Variants in IRAK1BP1 observed in about 807,000 individuals in gnomAD.
IRAK1BP1 encodes interleukin 1 receptor associated kinase 1 binding protein 1, also known as interleukin-1 receptor-associated kinase 1-binding protein 1.
In IRAK1BP1, 24 loss-of-function variants were observed where a neutral mutation model predicts 28.0. The observed-to-expected ratio is 0.86, with a 90% CI of 0.62 to 1.20. IRAK1BP1 has a LOEUF of 1.20. IRAK1BP1 is among the 50% of genes most tolerant of loss of function. The pLI is 0.00. For synonymous variants in IRAK1BP1, 131 were observed against 116.3 expected, an observed-to-expected ratio of 1.13 and a Z score of -0.81; for missense variants, 336 against 316.7, an observed-to-expected ratio of 1.06 and a Z score of -0.46.
intron 4 of IRAK1BP1, chr6:78,935,581 A>G (rs1773247464): frequency 1.0e-6 from 1 of 973,260 alleles, no homozygotes; most frequent in Non-Finnish European, 1.2e-6. Context: ...TAAGAAATCA[A>G]TAAAATTGTT....
chr6:78,898,425 TATA>T lies in IRAK1BP1; in HGVS notation c.*92_*94del. On this transcript the variant is annotated 3_prime_UTR_variant, in exon 4 of 4. Coordinates refer to ENST00000369940, the MANE Select transcript of IRAK1BP1 (RefSeq NM_001010844.4). ...CGTTTGTCCTGAATATATATATATA[TATA>T]TATATATATATATATATGGTATAGG... The T allele has an allele frequency of 6.3e-6, 1 of 158,274 alleles. No homozygotes were observed. The highest frequency in any genetic ancestry group is 3.0e-3 in the Middle Eastern group (1 of 336). The allele number at this position is 158,274 out of a possible 1,614,324, so 9.8% of individuals were successfully genotyped here.
downstream of IRAK1BP1, among the ~76,000 whole-genome samples, chr6:78,907,361 C>T (rs1772287194): frequency 3.9e-5 from 6 of 152,116 alleles, no homozygotes; most frequent in Admixed American, 3.9e-4. Context: ...ACAATTTCCT[C>T]TGATTCAAGC....
At chr6:78,891,879 T>C (rs1186451693) in intron 2 of IRAK1BP1, among the ~76,000 whole-genome samples, 5 of 152,238 alleles carry the variant, frequency 3.3e-5, no homozygotes, top group African/African-American at 7.2e-5. Flanking sequence ...CTCCTTTTCC[T>C]TGCATGCCTG....
chr6:78,871,511 A>G, intron 1 of IRAK1BP1: 1 of 985,500 alleles, frequency 1.0e-6, no homozygotes, highest in Non-Finnish European at 1.2e-6. Context: ...GCAGACGAGA[A>G]CTTACCTTAC....
At chr6:78,979,056 G>A in the IRAK1BP1 span, among the ~76,000 whole-genome samples, 1 of 152,136 alleles carries the variant, frequency 6.6e-6, no homozygotes, top group Non-Finnish European at 1.5e-5. Flanking sequence ...ATAGGAGACT[G>A]TGTGTAGGTC....
At chr6:78,956,044 C>T in the IRAK1BP1 span, 2 of 155,402 alleles carry the variant, frequency 1.3e-5, no homozygotes, top group African/African-American at 4.8e-5. Flanking sequence ...GTTCTTAACG[C>T]ATCTTGACAC....
chr6:78,954,298 G>A, the IRAK1BP1 span, among the ~76,000 whole-genome samples: 22 of 151,710 alleles, frequency 1.5e-4, no homozygotes, highest in Non-Finnish European at 2.6e-4. Flanking sequence ...AGTAGAGACG[G>A]GATTTCACCG....
chr6:78,973,129 A>C, the IRAK1BP1 span, among the ~76,000 whole-genome samples: 1 of 152,134 alleles, frequency 6.6e-6, no homozygotes. Flanking sequence ...GCCAGAGAGA[A>C]AGGTCGGGTT....
chr6:78,950,013 T>C (rs1774056847), downstream of IRAK1BP1, among the ~76,000 whole-genome samples: 1 of 152,030 alleles, frequency 6.6e-6, no homozygotes, highest in South Asian at 2.1e-4. Flanking sequence ...AATAAACTTT[T>C]TCCTTCCAAG....
intron 4 of IRAK1BP1, among the ~76,000 whole-genome samples, chr6:78,918,313 T>C (rs1772615514): frequency 6.6e-6 from 1 of 151,898 alleles, no homozygotes; most frequent in Non-Finnish European, 1.5e-5. Context: ...AAATTATTTT[T>C]AAAATATCAA....
rs1035052700 is a variant in IRAK1BP1, at chr6:78,900,931, A to G, written c.*2597A>G. 4.6e-5 allele frequency: 7 copies of G among 152,216 alleles called. No individual in the cohort carries two copies. The highest frequency in any genetic ancestry group is 8.8e-5 in the Non-Finnish European group (6 of 68,028). 9.4% of individuals were successfully genotyped at this position (152,216 alleles called of 1,614,324 possible). A position where few individuals can be genotyped will look rare whatever the true frequency, so the allele number is the denominator to read the frequency against. Reference sequence around the variant, plus strand: ...ATCCTCCATTAGGAAGAATTTTTAAATAGCCATATTGAAAATAAAGTTGTC... The same window carrying G: ...ATCCTCCATTAGGAAGAATTTTTAAGTAGCCATATTGAAAATAAAGTTGTC... On this transcript the variant is annotated 3_prime_UTR_variant, in exon 4 of 4. Coordinates refer to ENST00000369940, the MANE Select transcript of IRAK1BP1 (RefSeq NM_001010844.4).
downstream of IRAK1BP1, among the ~76,000 whole-genome samples, chr6:78,948,699 G>T (rs932209728): frequency 4.6e-5 from 7 of 152,084 alleles, no homozygotes; most frequent in African/African-American, 1.7e-4. Flanking sequence ...TTAGCATGTT[G>T]CTGAGACTGG....
intron 2 of IRAK1BP1, among the ~76,000 whole-genome samples, chr6:78,893,864 C>T (rs1771784714): frequency 6.6e-6 from 1 of 152,014 alleles, no homozygotes; most frequent in African/African-American, 2.4e-5. Context: ...GATCACGTCA[C>T]TGTACTCCAG....
downstream of IRAK1BP1, among the ~76,000 whole-genome samples, chr6:78,948,716 A>G (rs1201733543): frequency 6.6e-6 from 1 of 152,038 alleles, no homozygotes; most frequent in Non-Finnish European, 1.5e-5. Context: ...CTGGTCTCAA[A>G]CTCCTGGGCT....
Position 78,898,431 on chromosome 6 carries a change from T to TC in IRAK1BP1, c.*97_*98insC. ...TCCTGAATATATATATATATATATA[T>TC]ATATATATATATATGGTATAGGAGA... On this transcript the variant is annotated 3_prime_UTR_variant, in exon 4 of 4. Coordinates refer to ENST00000369940, the MANE Select transcript of IRAK1BP1 (RefSeq NM_001010844.4). The TC allele has an allele frequency of 6.1e-6, 1 of 164,232 alleles. No individual in the cohort carries two copies. The highest frequency in any genetic ancestry group is 1.8e-4 in the East Asian group (1 of 5,504). 10.2% of individuals were successfully genotyped at this position (164,232 alleles called of 1,614,324 possible).
At chr6:78,903,401 A>G (rs563473778), downstream of IRAK1BP1, among the ~76,000 whole-genome samples, 98 of 152,170 alleles carry the variant, frequency 6.4e-4, 1 homozygote, top group South Asian at 8.1e-3. Flanking sequence ...TGAGACATGA[A>G]AATCACTTGA....
rs1772116329 is a variant in IRAK1BP1, at chr6:78,901,916, A to G, written c.*3582A>G. 6.6e-6 allele frequency: 1 copy of G among 152,164 alleles called. No individual in the cohort carries two copies. The highest frequency in any genetic ancestry group is 2.4e-5 in the African/African-American group (1 of 41,452). The allele number at this position is 152,164 out of a possible 1,614,324, so 9.4% of individuals were successfully genotyped here. A position where few individuals can be genotyped will look rare whatever the true frequency, so the allele number is the denominator to read the frequency against. ...CAGGAATATGGGCTAAGGATATCTC[A>G]ACTCTGTCAGATTTGTTGATAAGAA... On this transcript the variant is annotated 3_prime_UTR_variant, in exon 4 of 4. Transcript: ENST00000369940.
chr6:78,941,637 C>T (rs915675344), intron 4 of IRAK1BP1, among the ~76,000 whole-genome samples: 1 of 152,018 alleles, frequency 6.6e-6, no homozygotes, highest in African/African-American at 2.4e-5. Flanking sequence ...TTATTCCTAA[C>T]TTAGAAATAA....
At chr6:78,890,171 C>T (rs995380181) in intron 2 of IRAK1BP1, among the ~76,000 whole-genome samples, 1 of 149,508 alleles carries the variant, frequency 6.7e-6, no homozygotes, top group Admixed American at 6.8e-5. Context: ...AACACAGGAA[C>T]AGGAAATCAA....
Sources: gnomAD v4.1 joint callset for allele counts (sites outside exome capture counted in the v4.1 genomes callset) on GRCh38, gnomAD v4.1.1 for gene constraint, MANE v1.5 for transcripts, NCBI Gene and HGNC (gene_info 2026-07-23, HGNC 2026-07-21) for gene names.